The following PLXND1 variants were observed in gnomAD, a reference collection of about 807,000 sequenced individuals.
PLXND1 encodes the protein plexin-D1.
A neutral mutation model predicts 197.7 loss-of-function variants in PLXND1; 54 were observed. That is an observed-to-expected ratio of 0.27 (90% CI 0.22 to 0.34). The LOEUF is 0.34. Among genes scored for constraint, PLXND1 ranks in the 10% least tolerant of loss-of-function variants. The pLI, the probability that PLXND1 is intolerant of heterozygous loss-of-function variation, is 1.00. For synonymous variants in PLXND1, 1,180 were observed against 1,161.2 expected (o/e 1.02, Z -0.33); for missense variants, 2,127 against 2,699.2 (o/e 0.79, Z 4.70).
Position 129,595,029 on chromosome 3 carries a change from C to G in PLXND1, c.1312-5502G>C, listed in dbSNP as rs185161798. ...CTCTGTGGCCTCTCTCAGCCCCCGT[C>G]CCCGCCAACTCCTCCCTCAGCTTGG... On this transcript the variant is annotated intron_variant, in intron 1 of 35. Transcript: ENST00000324093. 1.2e-4 allele frequency among the ~76,000 whole-genome samples: 18 copies of G among 152,314 alleles called. No homozygotes were observed. The East Asian group carries it at 3.5e-3, about 29-fold the overall frequency.
At chr3:129,571,922 A>T in intron 15 of PLXND1, 78 bp from the exon 16 acceptor site, 1 of 1,406,508 alleles carries the variant, frequency 7.1e-7, no homozygotes, top group Non-Finnish European at 9.7e-7. Context: ...GACCTGGGGC[A>T]CAAGTCCACG....
At chr3:129,581,262 G>C (rs1293535160) in intron 8 of PLXND1, among the ~76,000 whole-genome samples, 1 of 152,198 alleles carries the variant, frequency 6.6e-6, no homozygotes, top group African/African-American at 2.4e-5. Flanking sequence ...AGAGCCTCCT[G>C]CACGCCCGGG....
At chr3:129,571,373 G>A in intron 17 of PLXND1, 70 bp from the exon 18 acceptor site, 4 of 1,568,282 alleles carry the variant, frequency 2.6e-6, no homozygotes, top group East Asian at 4.6e-5. Flanking sequence ...AAACGGTGGG[G>A]AGTGGGGTTT....
In PLXND1 at chr3:129,589,452, T is replaced by C; in HGVS notation, c.1387A>G (p.Thr463Ala). Residue 463 changes from threonine (T) to alanine (A), a missense_variant, in exon 2 of 36, where the codon ACG becomes GCG. Transcript: ENST00000324093. Reference sequence around the variant, plus strand: ...AGGCCCGGGGCGCGGAACACGGGCGTGGCCTTCAGGGGCTGCAGGATGGAC... The same window carrying C: ...AGGCCCGGGGCGCGGAACACGGGCGCGGCCTTCAGGGGCTGCAGGATGGAC... ...PLSILQPLKA[T>A]PVFRAPGLTS... 3.7e-6 allele frequency: 6 copies of C among 1,611,488 alleles called. No individual in the cohort carries two copies. Among genetic ancestry groups the C allele is most frequent in the Non-Finnish European group, 5.1e-6 (6 of 1,179,406 alleles).
At chr3:129,602,765 GAA>G (rs2085728893) in intron 1 of PLXND1, among the ~76,000 whole-genome samples, 1 of 152,150 alleles carries the variant, frequency 6.6e-6, no homozygotes, top group Non-Finnish European at 1.5e-5. Flanking sequence ...ATAACAAGAA[GAA>G]CTGCCATCTG....
At chr3:129,593,569 C>T (rs2085577020) in intron 1 of PLXND1, among the ~76,000 whole-genome samples, 1 of 152,248 alleles carries the variant, frequency 6.6e-6, no homozygotes, top group South Asian at 2.1e-4. Context: ...ATGACGTTCT[C>T]CAGCATGGAG....
chr3:129,589,913 G>A (rs2108795614), intron 1 of PLXND1, among the ~76,000 whole-genome samples: 1 of 152,300 alleles, frequency 6.6e-6, no homozygotes, highest in South Asian at 2.1e-4. Context: ...CACACCAGAT[G>A]ACCGGAGGCC....
chr3:129,601,889 C>A (rs964556663), intron 1 of PLXND1, among the ~76,000 whole-genome samples: 46 of 152,196 alleles, frequency 3.0e-4, no homozygotes, highest in African/African-American at 1.1e-3. Context: ...AGGCCGGCCC[C>A]ATCTCCCCAC....
chr3:129,575,274 T>A (rs767504786), intron 11 of PLXND1, among the ~76,000 whole-genome samples, 195 bp downstream of exon 11: 2 of 47,376 alleles, frequency 4.2e-5, no homozygotes, highest in Admixed American at 3.2e-4. Context: ...CAGGGGAAAC[T>A]ATGCACGGAG....
Position 129,589,521 on chromosome 3 carries a change from G to T in PLXND1, c.1318C>A (p.Pro440Thr). The T allele has an allele frequency of 6.3e-7, 1 of 1,580,516 alleles. No homozygotes were observed. Residue 440 changes from proline to threonine, a missense_variant, in exon 2 of 36, where the codon CCA becomes ACA. Pro to Thr is a conservative substitution (Grantham distance 38). Coordinates refer to ENST00000324093, the MANE Select transcript of PLXND1 (RefSeq NM_015103.3). Reference sequence around the variant, plus strand: ...GCAGCTCCACAGTCCAGCTGCTCTGGCTGGAGCTGGAAGAGGAACGGCACG... The same window carrying T: ...GCAGCTCCACAGTCCAGCTGCTCTGTCTGGAGCTGGAAGAGGAACGGCACG... The part of the protein sequence containing the change: ...CERKLNIQLQ[P>T]EQLDCGAAHL...
chr3:129,571,927 T>C, intron 15 of PLXND1, 83 bp from the exon 16 acceptor site: 3 of 1,342,260 alleles, frequency 2.2e-6, no homozygotes, highest in Non-Finnish European at 3.1e-6. Flanking sequence ...GGGGCACAAG[T>C]CCACGCACTT....
intron 11 of PLXND1, 129 bp downstream of exon 11, chr3:129,575,340 G>A: frequency 3.1e-6 from 2 of 648,640 alleles, no homozygotes; most frequent in Non-Finnish European, 5.6e-6. Flanking sequence ...GAGGCTGTGT[G>A]TGTGCTGGAG....
In PLXND1 at chr3:129,578,000, C is replaced by T. The variant is rs966768599; in HGVS notation, c.2346+329G>A. On this transcript the variant is annotated intron_variant, in intron 9 of 35. Transcript: ENST00000324093. The surrounding 1 kb of genome is among the most constrained non-coding windows in gnomAD (Gnocchi z 5.0). Reference sequence around the variant, plus strand: ...GGTCACAGCTCAGGCTAAGGGAGGACAGGATAGGGCAGCGTCCACCCTCCG... The same window carrying T: ...GGTCACAGCTCAGGCTAAGGGAGGATAGGATAGGGCAGCGTCCACCCTCCG... Among the ~76,000 whole-genome samples the T allele has an allele frequency of 2.0e-5, 3 of 152,184 alleles. No homozygotes were observed. The highest frequency in any genetic ancestry group is 7.2e-5 in the African/African-American group (3 of 41,450).
chr3:129,569,052 A>AATAT (rs1183278689), intron 20 of PLXND1: 1 of 152,320 alleles, frequency 6.6e-6, no homozygotes, highest in East Asian at 1.9e-4. Context: ...GGCATCATAC[A>AATAT]ATATGCCTTT....
At chr3:129,563,977 C>T (rs1019761142) in intron 25 of PLXND1, among the ~76,000 whole-genome samples, 5 of 152,356 alleles carry the variant, frequency 3.3e-5, no homozygotes, top group East Asian at 3.9e-4. Flanking sequence ...AGGTCTGGGG[C>T]GTGGGAGGCA....
rs2085228818 is a variant in PLXND1 at position 129,571,526 on chromosome 3, T to C, written c.3319A>G (p.Ile1107Val). Reference sequence around the variant, plus strand: ...TGCCTCACCGTGGGCTCCCGGCCAATGTGGTGGACGGCCATGGACACATTC... The same window carrying C: ...TGCCTCACCGTGGGCTCCCGGCCAACGTGGTGGACGGCCATGGACACATTC... ...VQNVSMAVHH[I>V]GREPTLCKVL... The change falls in exon 17 of 36, where the codon ATT (isoleucine) becomes GTT (valine). Residue 1107 changes from isoleucine to valine, a missense_variant. Ile to Val is a conservative substitution (Grantham distance 29). Transcript: ENST00000324093. 3.1e-6 allele frequency: 5 copies of C among 1,613,368 alleles called. No homozygotes were observed. Among genetic ancestry groups the C allele is most frequent in the Non-Finnish European group, 4.2e-6 (5 of 1,179,796 alleles).
intron 1 of PLXND1, among the ~76,000 whole-genome samples, chr3:129,597,824 C>A (rs528593861): frequency 2.0e-5 from 3 of 152,250 alleles, no homozygotes; most frequent in African/African-American, 7.2e-5. Context: ...TCCAAGTCCA[C>A]GTGGCTGGCA....
Position 129,578,379 on chromosome 3 carries a change from C to T in PLXND1, c.2296G>A (p.Gly766Ser). The change falls in exon 9 of 36, where the codon GGT (glycine) becomes AGT (serine). Residue 766 changes from glycine (G) to serine (S), a missense_variant. Physicochemically the swap from Gly to Ser is moderately conservative, Grantham distance 56. Transcript: ENST00000324093. The part of the protein sequence containing the change: ...LLSPLAPVPT[G>S]GSQNILVPLA... ...GGCACCAGGATGTTCTGGGAGCCACCCGTAGGCACGGGTGCCAGGGGTGAG... is the reference window on the plus strand; with the variant it reads ...GGCACCAGGATGTTCTGGGAGCCACTCGTAGGCACGGGTGCCAGGGGTGAG... The T allele has an allele frequency of 1.2e-6, 2 of 1,607,508 alleles. No homozygotes were observed. Among genetic ancestry groups the T allele is most frequent in the Non-Finnish European group, 8.5e-7 (1 of 1,177,682 alleles).
At position 129,558,471 on chromosome 3, in the gene PLXND1, G is replaced by A. The variant is rs772420249; in HGVS notation, c.5402C>T (p.Ala1801Val). The A allele has an allele frequency of 2.5e-6, 4 of 1,613,920 alleles. No homozygotes were observed. The highest frequency in any genetic ancestry group is 3.4e-6 in the Non-Finnish European group (4 of 1,179,964). Residue 1801 changes from alanine (A) to valine (V), a missense_variant, in exon 33 of 36, where the codon GCC (alanine) becomes GTC (valine). Physicochemically the swap from Ala to Val is moderately conservative, Grantham distance 64 (BLOSUM62 0). Around this residue, in one of 6 missense-constraint regions of PLXND1, gnomAD observed 200 missense variants for 303.3 expected, o/e 0.66. Coordinates refer to ENST00000324093, the MANE Select transcript of PLXND1 (RefSeq NM_015103.3). This position sits in a 1 kb window ranked among gnomAD's most constrained non-coding sequence, Gnocchi z 4.1. ...AGAGATGGAGCAGGCGTCGATGAAGGCCTGCGCGATGACTGAAAGGCAGGC... is the reference window on the plus strand; with the variant it reads ...AGAGATGGAGCAGGCGTCGATGAAGACCTGCGCGATGACTGAAAGGCAGGC... ...IDACLSVIAQ[A>V]FIDACSISDL...
Sources: gnomAD v4.1 joint callset for allele counts (sites outside exome capture counted in the v4.1 genomes callset) on GRCh38, gnomAD v4.1.1 for gene constraint, gnomAD v4.1.1 regional missense constraint, Gnocchi (gnomAD v3.1) non-coding constraint, MANE v1.5 for transcripts, NCBI Gene and HGNC (gene_info 2026-07-23, HGNC 2026-07-21) for gene names.